Variants in CSMD1 observed in about 807,000 individuals in gnomAD.
The protein encoded by CSMD1 is CUB and Sushi multiple domains 1, also known as CUB and sushi domain-containing protein 1.
A neutral mutation model predicts 417.5 loss-of-function variants in CSMD1; 213 were observed. That is an observed-to-expected ratio of 0.51 (90% CI 0.46 to 0.57). The LOEUF (loss-of-function observed/expected upper bound fraction) is 0.57. Ranked by LOEUF, CSMD1 falls within the 20% of genes least tolerant of loss-of-function variation. The pLI, the probability that CSMD1 is intolerant of heterozygous loss-of-function variation, is 0.00. For synonymous variants in CSMD1, 2,862 were observed against 1,736.8 expected (o/e 1.65, Z -16.11); for missense variants, 6,923 against 4,529.7 (o/e 1.53, Z -15.17).
intron 3 of CSMD1, among the ~76,000 whole-genome samples, chr8:4,121,360 C>A (rs1007161193): frequency 2.6e-5 from 4 of 152,128 alleles, no homozygotes; most frequent in African/African-American, 7.2e-5. Context: ...GATGATCCAC[C>A]CACCTTGGCC....
At position 4,905,592 on chromosome 8, in the gene CSMD1, GGCCC is replaced by G. The variant is rs1265189901; in HGVS notation, c.85+88736_85+88739del. Among the ~76,000 whole-genome samples, 7 of 151,776 alleles carry G rather than the reference GGCCC, an allele frequency of 4.6e-5. No homozygotes were observed. The East Asian group carries it at 7.8e-4, about 17-fold the overall frequency. ...CCCAGCACTTTGGGAGGCCAAGGTG[GGCCC>G]ATCACGAGGTCATGAGATCGAGGCC... On this transcript the variant is annotated intron_variant, in intron 1 of 69. Transcript: ENST00000635120.
At chr8:3,744,506 T>C (rs1023333614) in intron 6 of CSMD1, among the ~76,000 whole-genome samples, 8 of 152,218 alleles carry the variant, frequency 5.3e-5, no homozygotes, top group Non-Finnish European at 1.2e-4. Context: ...AATAAATAAA[T>C]AAATAAATAA....
chr8:3,448,049 T>G (rs1002995456), intron 12 of CSMD1, among the ~76,000 whole-genome samples: 27 of 151,940 alleles, frequency 1.8e-4, no homozygotes, highest in Non-Finnish European at 2.6e-4. Context: ...GCCTCTTGTG[T>G]CATACACAGG....
At chr8:3,183,645 C>G (rs991682541) in intron 36 of CSMD1, among the ~76,000 whole-genome samples, 8 of 152,008 alleles carry the variant, frequency 5.3e-5, no homozygotes, top group African/African-American at 1.9e-4. Flanking sequence ...CATCCACCGA[C>G]GTCACGAACT....
chr8:4,195,602 G>A (rs1258266520), intron 3 of CSMD1, among the ~76,000 whole-genome samples: 1 of 152,146 alleles, frequency 6.6e-6, no homozygotes, highest in African/African-American at 2.4e-5. Flanking sequence ...TCATGACTGT[G>A]TGATATTATA....
intron 1 of CSMD1, among the ~76,000 whole-genome samples, chr8:4,784,403 G>C (rs1490575664): frequency 6.6e-6 from 1 of 152,124 alleles, no homozygotes; most frequent in African/African-American, 2.4e-5. Flanking sequence ...CAATTACAAA[G>C]GGAAGAACAA....
chr8:3,736,820 G>C (rs1455128782), intron 6 of CSMD1, among the ~76,000 whole-genome samples: 1 of 152,168 alleles, frequency 6.6e-6, no homozygotes, highest in South Asian at 2.1e-4. Flanking sequence ...GCCCTGTTTT[G>C]TGAGGCTGCT....
At chr8:3,470,370 G>T (rs1336028481) in intron 11 of CSMD1, among the ~76,000 whole-genome samples, 1 of 152,044 alleles carries the variant, frequency 6.6e-6, no homozygotes, top group East Asian at 1.9e-4. Flanking sequence ...GATAATTGTG[G>T]ATACACATGT....
intron 57 of CSMD1, among the ~76,000 whole-genome samples, chr8:2,969,108 C>G (rs911157766): frequency 6.6e-6 from 1 of 152,056 alleles, no homozygotes; most frequent in South Asian, 2.1e-4. Flanking sequence ...AGATATAGTG[C>G]CTTTAACCAT....
At chr8:4,532,074 T>C (rs1321774211) in intron 2 of CSMD1, among the ~76,000 whole-genome samples, 2 of 138,598 alleles carry the variant, frequency 1.4e-5, no homozygotes, top group Non-Finnish European at 3.1e-5. Context: ...CGCACCCTCA[T>C]TCACAGTCAC....
chr8:3,936,220 G>T (rs1810480513), intron 5 of CSMD1, among the ~76,000 whole-genome samples: 1 of 151,848 alleles, frequency 6.6e-6, no homozygotes, highest in Non-Finnish European at 1.5e-5. Context: ...AACATAAAAG[G>T]GCAAGGTAAA....
chr8:4,049,066 A>G (rs1798291108), intron 3 of CSMD1, among the ~76,000 whole-genome samples: 1 of 152,160 alleles, frequency 6.6e-6, no homozygotes, highest in African/African-American at 2.4e-5. Flanking sequence ...CAGTCCTTTC[A>G]TGGTTAGGAA....
At chr8:4,055,243 T>G (rs766395365) in intron 3 of CSMD1, among the ~76,000 whole-genome samples, 1 of 152,220 alleles carries the variant, frequency 6.6e-6, no homozygotes, top group Non-Finnish European at 1.5e-5. Flanking sequence ...ATAGGATTAC[T>G]TGCCTCAAAT....
chr8:3,037,998 G>A (rs1810809776), intron 50 of CSMD1, among the ~76,000 whole-genome samples: 1 of 152,102 alleles, frequency 6.6e-6, no homozygotes, highest in African/African-American at 2.4e-5. Context: ...AAAACCTTCA[G>A]AAAATCGGGC....
At chr8:3,840,810 C>G (rs1226409832) in intron 5 of CSMD1, among the ~76,000 whole-genome samples, 1 of 151,258 alleles carries the variant, frequency 6.6e-6, no homozygotes, top group Non-Finnish European at 1.5e-5. Context: ...ATTCTCCTGT[C>G]TCAACCTTCC....
intron 1 of CSMD1, among the ~76,000 whole-genome samples, chr8:4,851,805 G>C (rs1023523683): frequency 3.3e-5 from 5 of 152,062 alleles, no homozygotes; most frequent in Non-Finnish European, 5.9e-5. Flanking sequence ...TTTAACTTGT[G>C]TGATTAAATG....
At chr8:3,094,251 G>C (rs537121743) in intron 47 of CSMD1, among the ~76,000 whole-genome samples, 1 of 152,000 alleles carries the variant, frequency 6.6e-6, no homozygotes, top group Non-Finnish European at 1.5e-5. Context: ...GATTACAGGC[G>C]CCTGCCACCG....
At chr8:4,183,824 C>G (rs987350763) in intron 3 of CSMD1, among the ~76,000 whole-genome samples, 1 of 152,130 alleles carries the variant, frequency 6.6e-6, no homozygotes, top group Admixed American at 6.5e-5. Flanking sequence ...TATTAAATGT[C>G]TCCCCTCCTG....
intron 1 of CSMD1, among the ~76,000 whole-genome samples, chr8:4,973,722 T>G (rs4875423): frequency 2.6e-5 from 4 of 152,086 alleles, no homozygotes; most frequent in Non-Finnish European, 4.4e-5. Flanking sequence ...GTTGTGATAA[T>G]AGACTTGCTG....
Sources: gnomAD v4.1 joint callset for allele counts (sites outside exome capture counted in the v4.1 genomes callset) on GRCh38, gnomAD v4.1.1 for gene constraint, MANE v1.5 for transcripts, NCBI Gene and HGNC (gene_info 2026-07-23, HGNC 2026-07-21) for gene names.